ASPH: variants seen among roughly 807,000 people sequenced by gnomAD.
ASPH encodes aspartate beta-hydroxylase, also known as aspartyl/asparaginyl beta-hydroxylase.
ASPH carries 100 observed loss-of-function variants against 118.4 expected under a neutral mutation model. That is an observed-to-expected ratio of 0.84 (90% CI 0.72 to 1.00). ASPH has a LOEUF of 1.00. Ranked by LOEUF, ASPH falls within the 50% of genes least tolerant of loss-of-function variation. The pLI is 0.00. For missense variants in ASPH, 920 were observed against 919.5 expected (o/e 1.00, Z -0.01); for synonymous variants, 315 against 325.6 (o/e 0.97, Z 0.35).
Position 61,668,282 on chromosome 8 carries a change from A to T in ASPH, c.322+12686T>A, listed in dbSNP as rs763942038. ...GCTACCCCACTGGGTCCTTCTGTTG[A>T]CATTTACAAGATGAAAATAGGTTAT... On this transcript the variant is annotated intron_variant, in intron 3 of 24. Coordinates refer to ENST00000379454, the MANE Select transcript of ASPH (RefSeq NM_004318.4). 1.9e-6 allele frequency: 3 copies of T among 1,604,102 alleles called. No individual in the cohort carries two copies. The Admixed American group carries it at 5.1e-5, about 27-fold the overall frequency.
intron 21 of ASPH, among the ~76,000 whole-genome samples, chr8:61,542,965 T>G (rs1016545886): frequency 2.0e-5 from 3 of 152,216 alleles, no homozygotes; most frequent in Non-Finnish European, 4.4e-5. Flanking sequence ...AGGTTCCTTT[T>G]GTGCAATAAG....
chr8:61,608,450 G>T (rs1846251879), intron 14 of ASPH, among the ~76,000 whole-genome samples: 1 of 152,134 alleles, frequency 6.6e-6, no homozygotes, highest in Non-Finnish European at 1.5e-5. Flanking sequence ...AGTACAGCTA[G>T]GTTTGCTTAC....
chr8:61,663,672 A>C, intron 3 of ASPH: 1 of 983,502 alleles, frequency 1.0e-6, no homozygotes, highest in African/African-American at 1.7e-5. Flanking sequence ...ACTAATCAAA[A>C]CATAAAACTC....
rs1815202094 is a variant in ASPH at position 61,526,050 on chromosome 8, T to A, written c.1827A>T (p.Lys609Asn). The A allele has an allele frequency of 6.2e-7, 1 of 1,613,908 alleles. No homozygotes were observed. The highest frequency in any genetic ancestry group is 1.1e-5 in the South Asian group (1 of 91,080). The change falls in exon 22 of 25, where the codon AAA (lysine) becomes AAT (asparagine). Residue 609 changes from lysine to asparagine, a missense_variant. Physicochemically the swap from Lys to Asn is moderately conservative, Grantham distance 94 (BLOSUM62 0). Transcript: ENST00000379454. ...TTTCATCCTCAGGCAGGAAGAGACC[T>A]TTGGCTTTATCCATCACTGCAAGGC... Reference protein sequence around the residue: ...DEGLAVMDKAKGLFLPEDENL... With the variant: ...DEGLAVMDKANGLFLPEDENL...
chr8:61,608,550 A>T (rs1846287911), intron 14 of ASPH, among the ~76,000 whole-genome samples: 2 of 152,166 alleles, frequency 1.3e-5, no homozygotes, highest in African/African-American at 2.4e-5. Flanking sequence ...TTCTCAAACG[A>T]TCCTTTTGTT....
intron 24 of ASPH, among the ~76,000 whole-genome samples, chr8:61,511,079 G>A (rs1363495293): frequency 6.6e-6 from 1 of 152,064 alleles, no homozygotes; most frequent in Non-Finnish European, 1.5e-5. Flanking sequence ...TGTCTATGAG[G>A]AATTCATGAT....
chr8:61,639,163 C>T (rs544419636), intron 10 of ASPH, among the ~76,000 whole-genome samples: 14 of 152,264 alleles, frequency 9.2e-5, no homozygotes, highest in African/African-American at 3.4e-4. Flanking sequence ...CACTCTGTTG[C>T]CCTGAGCAGT....
At chr8:61,605,528 C>G (rs1423253218) in intron 14 of ASPH, among the ~76,000 whole-genome samples, 1 of 152,200 alleles carries the variant, frequency 6.6e-6, no homozygotes, top group Non-Finnish European at 1.5e-5. Flanking sequence ...CTGATTAACA[C>G]TCCTAGTCAA....
At chr8:61,596,941 A>C (rs911869650) in intron 14 of ASPH, among the ~76,000 whole-genome samples, 6 of 152,166 alleles carry the variant, frequency 3.9e-5, no homozygotes, top group Non-Finnish European at 2.9e-5. Flanking sequence ...CAGAATAATA[A>C]TACTAAAGAA....
chr8:61,664,935 T>C, intron 3 of ASPH: 1 of 1,077,452 alleles, frequency 9.3e-7, no homozygotes, highest in Non-Finnish European at 1.1e-6. Flanking sequence ...CTTAATATTC[T>C]TATTTAACGT....
intron 21 of ASPH, among the ~76,000 whole-genome samples, chr8:61,533,610 C>G (rs1200957315): frequency 6.6e-6 from 1 of 152,124 alleles, no homozygotes; most frequent in Non-Finnish European, 1.5e-5. Context: ...CATTGTCAAG[C>G]CAGTTTGTTT....
intron 12 of ASPH, among the ~76,000 whole-genome samples, chr8:61,633,944 C>T (rs535119204): frequency 1.3e-5 from 2 of 152,284 alleles, no homozygotes; most frequent in Admixed American, 6.5e-5. Flanking sequence ...TTCAGCACAG[C>T]AGGTTTTATA....
In ASPH at chr8:61,629,530, C is replaced by CTA. The variant is rs374306987; in HGVS notation, c.934+4151_934+4152dup. Among the ~76,000 whole-genome samples the CTA allele has an allele frequency of 3.6e-3, 547 of 152,290 alleles. 2 individuals are homozygous for CTA. The highest frequency in any genetic ancestry group is 7.3e-3 in the Admixed American group (111 of 15,294). Reference sequence around the variant, plus strand: ...AAATCTAATATCCAAAGTGATTGGCCTATAATATCAGAAAAATCAAATCTT... The same window carrying CTA: ...AAATCTAATATCCAAAGTGATTGGCCTATATAATATCAGAAAAATCAAATCTT... On this transcript the variant is annotated intron_variant, in intron 13 of 24. Transcript: ENST00000379454.
intron 1 of ASPH, among the ~76,000 whole-genome samples, chr8:61,702,895 G>A (rs1216331413): frequency 4.6e-5 from 7 of 152,058 alleles, no homozygotes; most frequent in South Asian, 2.1e-4. Context: ...AAAATATTCC[G>A]TACTAATCAC....
intron 1 of ASPH, among the ~76,000 whole-genome samples, chr8:61,709,422 T>C (rs1377252160): frequency 6.6e-6 from 1 of 152,132 alleles, no homozygotes; most frequent in Non-Finnish European, 1.5e-5. Context: ...GAATCCTTAG[T>C]CCTCTAATAA....
At chr8:61,664,974 T>C in intron 3 of ASPH, 1 of 1,160,346 alleles carries the variant, frequency 8.6e-7, no homozygotes, top group African/African-American at 1.6e-5. Flanking sequence ...TATTAATCCA[T>C]AAAAATTCAT....
intron 13 of ASPH, among the ~76,000 whole-genome samples, chr8:61,630,921 A>G (rs1029825338): frequency 2.0e-5 from 3 of 152,158 alleles, no homozygotes; most frequent in Non-Finnish European, 2.9e-5. Flanking sequence ...ACACATGAAG[A>G]CCTTTCAATG....
intron 3 of ASPH, among the ~76,000 whole-genome samples, chr8:61,669,191 G>A (rs1403910144): frequency 1.3e-5 from 2 of 152,172 alleles, no homozygotes; most frequent in Non-Finnish European, 2.9e-5. Context: ...GCTGTAAATT[G>A]TAAAACCCAC....
chr8:61,571,124 T>A (rs1275178028), intron 16 of ASPH, among the ~76,000 whole-genome samples: 1 of 152,230 alleles, frequency 6.6e-6, no homozygotes, highest in Non-Finnish European at 1.5e-5. Flanking sequence ...TGAATTTTTA[T>A]TTTTAAAACT....
Sources: allele counts gnomAD v4.1 joint callset (sites outside exome capture counted in the v4.1 genomes callset), GRCh38; gene constraint gnomAD v4.1.1; transcripts MANE v1.5; gene names NCBI Gene and HGNC (gene_info 2026-07-23, HGNC 2026-07-21).